The following PTPRT variants were observed in gnomAD, a reference collection of about 807,000 sequenced individuals.
PTPRT encodes the protein protein tyrosine phosphatase receptor type T, also known as receptor-type tyrosine-protein phosphatase T.
In PTPRT, 56 loss-of-function variants were observed where a neutral mutation model predicts 176.8. The ratio of observed to expected loss-of-function variants is 0.32; its 90% CI spans 0.26 to 0.40. PTPRT has a LOEUF of 0.40. Among genes scored for constraint, PTPRT ranks in the 10% least tolerant of loss-of-function variants. PTPRT has a pLI of 1.00. For synonymous variants in PTPRT, 783 were observed against 739.0 expected (o/e 1.06, Z -0.96); for missense variants, 1,540 against 1,908.2 (o/e 0.81, Z 3.60).
At chr20:42,491,803 A>G (rs2071565394) in intron 7 of PTPRT, among the ~76,000 whole-genome samples, 2 of 152,144 alleles carry the variant, frequency 1.3e-5, no homozygotes, top group Admixed American at 1.3e-4. Flanking sequence ...ATAGACTAAG[A>G]CACTTATGCT....
At chr20:42,333,977 G>A (rs577375508) in intron 11 of PTPRT, among the ~76,000 whole-genome samples, 7 of 152,222 alleles carry the variant, frequency 4.6e-5, no homozygotes, top group African/African-American at 9.6e-5. Flanking sequence ...CACCATGCCC[G>A]GCTTGAATTT....
chr20:42,780,002 G>GC (rs1436780803), intron 4 of PTPRT, among the ~76,000 whole-genome samples: 1 of 152,112 alleles, frequency 6.6e-6, no homozygotes, highest in Non-Finnish European at 1.5e-5. Context: ...GCCACTCTCT[G>GC]CAAATTCCTG....
chr20:42,102,658 G>T (rs545582793), intron 25 of PTPRT, among the ~76,000 whole-genome samples: 8 of 152,312 alleles, frequency 5.3e-5, no homozygotes, highest in African/African-American at 1.7e-4. Flanking sequence ...GAGGGGTGGG[G>T]GTAGGGAATC....
chr20:42,311,780 A>T (rs2057634573), intron 12 of PTPRT, among the ~76,000 whole-genome samples: 1 of 149,994 alleles, frequency 6.7e-6, no homozygotes. Flanking sequence ...AGTTTTCTTT[A>T]TTTTCTTCAT....
intron 7 of PTPRT, among the ~76,000 whole-genome samples, chr20:42,573,745 C>CTTTTTTTTTTTTTTTT (rs201228742): frequency 8.7e-6 from 1 of 115,458 alleles, no homozygotes; most frequent in Non-Finnish European, 1.7e-5. Flanking sequence ...CCCTTTCTTT[C>CTTTTTTTTTTTTTTTT]TTTCTTTTTT....
intron 19 of PTPRT, among the ~76,000 whole-genome samples, chr20:42,120,783 G>A (rs1226999877): frequency 2.6e-5 from 4 of 152,126 alleles, no homozygotes; most frequent in African/African-American, 7.2e-5. Context: ...AGACAGACCT[G>A]CATTTAGTGC....
intron 9 of PTPRT, among the ~76,000 whole-genome samples, chr20:42,442,094 G>A (rs1390422719): frequency 6.6e-6 from 1 of 152,204 alleles, no homozygotes; most frequent in South Asian, 2.1e-4. Flanking sequence ...GGGATGGGAG[G>A]AGGCATGCTC....
At position 42,079,047 on chromosome 20, in the gene PTPRT, A is replaced by G. The variant is rs1482904570; in HGVS notation, c.*1832T>C. The G allele has an allele frequency of 5.5e-6, 1 of 180,932 alleles. No homozygotes were observed. The highest frequency in any genetic ancestry group is 1.2e-5 in the Non-Finnish European group (1 of 84,740). The allele number at this position is 180,932 out of a possible 1,614,324, so 11.2% of individuals were successfully genotyped here. On this transcript the variant is annotated 3_prime_UTR_variant, in exon 31 of 31. Transcript: ENST00000373187. ...ACCAGCCTTCAAGATGGAGCTTCCT[A>G]GGTCCCAGCCCACCTGAGGCTGTCA...
rs140255859 is a variant in PTPRT, at chr20:43,006,899, CTG to C, written c.89-120969_89-120968del. The stretch of plus-strand genomic sequence containing the variant: ...AGGGTATAGTGTGGCAATGTAGAGT[CTG>C]CACAGAAGTCCCTGAGACCACACAC... On this transcript the variant is annotated intron_variant, in intron 1 of 30. Coordinates refer to ENST00000373187, the MANE Select transcript of PTPRT (RefSeq NM_007050.6). 4.0e-3 allele frequency among the ~76,000 whole-genome samples: 616 copies of C among 152,254 alleles called. 5 individuals are homozygous for C. Among genetic ancestry groups the C allele is most frequent in the African/African-American group, 0.012 (512 of 41,564 alleles).
intron 7 of PTPRT, among the ~76,000 whole-genome samples, chr20:42,530,626 C>G (rs1014868239): frequency 6.6e-6 from 1 of 152,166 alleles, no homozygotes; most frequent in Non-Finnish European, 1.5e-5. Flanking sequence ...TTCTTGTTCT[C>G]TTCTTTATGT....
intron 1 of PTPRT, among the ~76,000 whole-genome samples, chr20:43,029,494 T>C (rs1185606486): frequency 6.6e-6 from 1 of 152,210 alleles, no homozygotes; most frequent in Non-Finnish European, 1.5e-5. Context: ...TCAATGGCCA[T>C]GCATCCTGCA....
At chr20:42,461,232 C>A (rs1047299731) in intron 8 of PTPRT, among the ~76,000 whole-genome samples, 1 of 152,156 alleles carries the variant, frequency 6.6e-6, no homozygotes, top group Non-Finnish European at 1.5e-5. Context: ...GAGGCTGAAG[C>A]AGGAGAATGG....
chr20:42,967,822 C>T (rs191196665), intron 1 of PTPRT, among the ~76,000 whole-genome samples: 154 of 152,164 alleles, frequency 1.0e-3, no homozygotes, highest in Middle Eastern at 3.4e-3. Flanking sequence ...AGCCCACCCC[C>T]GCTACCAGAT....
At chr20:42,537,936 G>A (rs1174040867) in intron 7 of PTPRT, among the ~76,000 whole-genome samples, 1 of 152,168 alleles carries the variant, frequency 6.6e-6, no homozygotes, top group African/African-American at 2.4e-5. Flanking sequence ...CTCCAAATAT[G>A]TTGATTCTCT....
At chr20:42,148,260 A>ATTTTT (rs34255255) in intron 17 of PTPRT, among the ~76,000 whole-genome samples, 49 of 113,990 alleles carry the variant, frequency 4.3e-4, no homozygotes, top group Non-Finnish European at 5.4e-4. Flanking sequence ...CAAGGCAGTC[A>ATTTTT]TTTTTTTTTT....
intron 7 of PTPRT, among the ~76,000 whole-genome samples, chr20:42,578,949 G>A (rs959475315): frequency 6.8e-6 from 1 of 146,216 alleles, no homozygotes; most frequent in Non-Finnish European, 1.5e-5. Flanking sequence ...GGGTACATGT[G>A]CACAATGTGC....
chr20:42,553,174 C>T (rs941067066), intron 7 of PTPRT, among the ~76,000 whole-genome samples: 10 of 152,214 alleles, frequency 6.6e-5, no homozygotes, highest in South Asian at 2.1e-4. Context: ...TTGGAAGTAG[C>T]ATAAAATTCA....
At chr20:42,329,117 G>A (rs2057927482) in intron 11 of PTPRT, among the ~76,000 whole-genome samples, 1 of 152,178 alleles carries the variant, frequency 6.6e-6, no homozygotes, top group Non-Finnish European at 1.5e-5. Context: ...GAGTCTACAT[G>A]AGAGTCAATG....
chr20:42,116,587 C>T (rs1987297310), intron 21 of PTPRT, among the ~76,000 whole-genome samples: 1 of 152,160 alleles, frequency 6.6e-6, no homozygotes, highest in Non-Finnish European at 1.5e-5. Context: ...ATTCTAATGA[C>T]TTATCAACAC....
Sources: allele counts gnomAD v4.1 joint callset (sites outside exome capture counted in the v4.1 genomes callset), GRCh38; gene constraint gnomAD v4.1.1; transcripts MANE v1.5; gene names NCBI Gene and HGNC (gene_info 2026-07-23, HGNC 2026-07-21).